Variants in PDGFRL observed in about 807,000 individuals in gnomAD.
PDGFRL encodes platelet derived growth factor receptor like.
In PDGFRL, 46 loss-of-function variants were observed where a neutral mutation model predicts 37.2. That is an observed-to-expected ratio of 1.24 (90% CI 0.98 to 1.58). The LOEUF (loss-of-function observed/expected upper bound fraction) is 1.58. PDGFRL is among the 40% of genes most tolerant of loss of function. PDGFRL has a pLI of 0.00. For missense variants in PDGFRL, 692 were observed against 467.6 expected, an observed-to-expected ratio of 1.48 and a Z score of -4.43; for synonymous variants, 251 against 184.3, an observed-to-expected ratio of 1.36 and a Z score of -2.93.
At chr8:17,617,877 G>C (rs935548701) in intron 2 of PDGFRL, among the ~76,000 whole-genome samples, 3 of 152,152 alleles carry the variant, frequency 2.0e-5, no homozygotes, top group African/African-American at 4.8e-5. Flanking sequence ...AAGATGCGCA[G>C]TGAATTTACT....
chr8:17,609,870 A>C (rs902902102), intron 2 of PDGFRL, among the ~76,000 whole-genome samples: 1 of 152,132 alleles, frequency 6.6e-6, no homozygotes, highest in African/African-American at 2.4e-5. Flanking sequence ...TGTAGTCTCT[A>C]CACCAAGAAA....
chr8:17,621,258 C>T, intron 3 of PDGFRL, 56 bp downstream of exon 3: 1 of 1,263,712 alleles, frequency 7.9e-7, no homozygotes, highest in East Asian at 2.4e-5. Context: ...GGGCTGAGAG[C>T]TGAAGGTTCC....
chr8:17,633,026 T>TG (rs1472324214), intron 4 of PDGFRL, among the ~76,000 whole-genome samples: 2 of 152,138 alleles, frequency 1.3e-5, no homozygotes, highest in Non-Finnish European at 2.9e-5. Context: ...AACCATACGA[T>TG]GACTCACTCA....
Position 17,634,057 on chromosome 8 carries a change from T to C in PDGFRL, c.800-17T>C, listed in dbSNP as rs1214357500. The C allele has an allele frequency of 8.7e-6, 14 of 1,613,772 alleles. No individual in the cohort carries two copies. Among genetic ancestry groups the C allele is most frequent in the Non-Finnish European group, 1.0e-5 (12 of 1,179,604 alleles). Reference sequence around the variant, plus strand: ...ACACTCGGGGTCTCACTCTGCCTGTTTCGTGCTTGCTTCCAGTTCCCAGTG... The same window carrying C: ...ACACTCGGGGTCTCACTCTGCCTGTCTCGTGCTTGCTTCCAGTTCCCAGTG... On this transcript the variant is annotated splice_polypyrimidine_tract_variant and intron_variant, in intron 4 of 5. Transcript: ENST00000251630.
chr8:17,627,470 ATTT>A (rs11367536), intron 3 of PDGFRL, among the ~76,000 whole-genome samples: 3 of 147,406 alleles, frequency 2.0e-5, no homozygotes, highest in Non-Finnish European at 3.0e-5. Flanking sequence ...ACCGATTGCA[ATTT>A]TTTTTTTTTT....
At chr8:17,594,906 T>C (rs976591355) in intron 2 of PDGFRL, among the ~76,000 whole-genome samples, 1 of 152,206 alleles carries the variant, frequency 6.6e-6, no homozygotes, top group African/African-American at 2.4e-5. Context: ...CTTCTGGCTG[T>C]TGTGAATGCT....
At chr8:17,588,506 A>G (rs1342196816) in intron 1 of PDGFRL, among the ~76,000 whole-genome samples, 1 of 94,216 alleles carries the variant, frequency 1.1e-5, no homozygotes, top group Non-Finnish European at 2.7e-5. Context: ...GCAAGGCCCC[A>G]TCTTTAAAAA....
intron 1 of PDGFRL, among the ~76,000 whole-genome samples, chr8:17,581,380 T>G (rs1803704247): frequency 1.3e-5 from 2 of 152,120 alleles, no homozygotes; most frequent in South Asian, 4.1e-4. Flanking sequence ...TGGGAAGATT[T>G]AGGGCTGGCT....
intron 3 of PDGFRL, among the ~76,000 whole-genome samples, chr8:17,623,440 G>C (rs184412018): frequency 6.6e-6 from 1 of 152,214 alleles, no homozygotes. Context: ...ATAAAAGTCT[G>C]TTATTCAAGT....
intron 2 of PDGFRL, among the ~76,000 whole-genome samples, chr8:17,593,671 G>T (rs1434040251): frequency 1.3e-5 from 2 of 151,836 alleles, no homozygotes; most frequent in Admixed American, 1.3e-4. Flanking sequence ...GAGGCGGGCG[G>T]ATCACCGGAG....
At chr8:17,577,018 G>A (rs1248788698), upstream of PDGFRL, 10 of 591,844 alleles carry the variant, frequency 1.7e-5, no homozygotes, top group Middle Eastern at 4.7e-4. Context: ...TCCCCGCGCT[G>A]GGAAGAAGTG....
chr8:17,581,853 A>G (rs140016301), intron 1 of PDGFRL, among the ~76,000 whole-genome samples: 80 of 152,264 alleles, frequency 5.3e-4, no homozygotes, highest in African/African-American at 1.8e-3. Flanking sequence ...GTATTCCTCT[A>G]TAGCAATGCG....
rs1018058205 is a variant in PDGFRL, at chr8:17,590,464, C to A, written c.353+699C>A. Reference sequence around the variant, plus strand: ...CAGTGGCTCATGCCTGTAATCCCAGCCCTTTGGGAGGCCAAAGCAGGCAGA... The same window carrying A: ...CAGTGGCTCATGCCTGTAATCCCAGACCTTTGGGAGGCCAAAGCAGGCAGA... On this transcript the variant is annotated intron_variant, in intron 2 of 5. Transcript: ENST00000251630. 7.9e-5 allele frequency among the ~76,000 whole-genome samples: 12 copies of A among 152,100 alleles called. No homozygotes were observed. In the South Asian group the frequency reaches 2.5e-3, roughly 32 times the overall value.
intron 2 of PDGFRL, among the ~76,000 whole-genome samples, chr8:17,605,140 A>G (rs1804245778): frequency 6.6e-6 from 1 of 152,102 alleles, no homozygotes; most frequent in Non-Finnish European, 1.5e-5. Flanking sequence ...GAAGGGAGAG[A>G]GAGAGACAGG....
At chr8:17,596,088 C>T (rs544109062) in intron 2 of PDGFRL, among the ~76,000 whole-genome samples, 1 of 152,312 alleles carries the variant, frequency 6.6e-6, no homozygotes, top group Admixed American at 6.5e-5. Context: ...GGGAAGCAAC[C>T]AGCCAGGAAG....
chr8:17,599,943 A>T (rs1420862296), intron 2 of PDGFRL, among the ~76,000 whole-genome samples: 1 of 152,064 alleles, frequency 6.6e-6, no homozygotes, highest in Non-Finnish European at 1.5e-5. Flanking sequence ...CTGCCTCTTC[A>T]TTCTGGATCA....
chr8:17,617,406 C>T (rs2237826), intron 2 of PDGFRL, among the ~76,000 whole-genome samples: 76,625 of 151,914 alleles, frequency 0.5, 20,369 homozygotes, highest in Middle Eastern at 0.63. Context: ...TGGTGTTCAG[C>T]GGTTACACAG....
rs1047305617 is a variant in PDGFRL, at chr8:17,628,770, C to G, written c.789C>G (p.Leu263=). 1.9e-6 allele frequency: 3 copies of G among 1,612,818 alleles called. No homozygotes were observed. Among genetic ancestry groups the G allele is most frequent in the Non-Finnish European group, 2.5e-6 (3 of 1,178,846 alleles). ...RSQISVKYQL[L]YVAVPSGPPS... ...AGATCTCCGTCAAGTACCAGCTGCT[C>G]TATGTGGCGGGTAAGCCTGGCCACC... The change falls in exon 4 of 6, where the codon CTC becomes CTG. Residue 263 remains leucine, a synonymous_variant. Transcript: ENST00000251630.
At chr8:17,628,032 C>A (rs1345847394) in intron 3 of PDGFRL, among the ~76,000 whole-genome samples, 2 of 118,364 alleles carry the variant, frequency 1.7e-5, no homozygotes, top group Non-Finnish European at 3.2e-5. Flanking sequence ...CTGGCTCTGT[C>A]GCCCAGGCTG....
Sources: gnomAD v4.1 joint callset for allele counts (sites outside exome capture counted in the v4.1 genomes callset) on GRCh38, gnomAD v4.1.1 for gene constraint, MANE v1.5 for transcripts, NCBI Gene and HGNC (gene_info 2026-07-23, HGNC 2026-07-21) for gene names.